Variants in WNT4 observed in about 807,000 individuals in gnomAD.
The protein encoded by WNT4 is Wnt family member 4.
Under a neutral mutation model 34.5 loss-of-function variants are expected in WNT4, and 16 were observed. The ratio of observed to expected loss-of-function variants is 0.46; its 90% CI spans 0.31 to 0.70. The LOEUF (loss-of-function observed/expected upper bound fraction) is 0.70. Ranked by LOEUF, WNT4 falls within the 30% of genes least tolerant of loss-of-function variation. The pLI, the probability that WNT4 is intolerant of heterozygous loss-of-function variation, is 0.04. For synonymous variants in WNT4, 200 were observed against 211.9 expected (o/e 0.94, Z 0.49); for missense variants, 379 against 495.9 (o/e 0.76, Z 2.24).
At chr1:22,127,840 G>C (rs1357481484) in intron 2 of WNT4, among the ~76,000 whole-genome samples, 1 of 152,220 alleles carries the variant, frequency 6.6e-6, no homozygotes, top group Non-Finnish European at 1.5e-5. Flanking sequence ...TCGTGGAGGA[G>C]GGAACTGCTG....
intron 1 of WNT4, among the ~76,000 whole-genome samples, chr1:22,131,353 G>C (rs1368084971): frequency 2.0e-5 from 3 of 152,350 alleles, no homozygotes; most frequent in Non-Finnish European, 4.4e-5. Context: ...TGAAGGTGGA[G>C]GTGCCTGGGC....
In WNT4 at chr1:22,137,834, A is replaced by C. The variant is rs1646034604; in HGVS notation, c.77+5012T>G. On this transcript the variant is annotated intron_variant, in intron 1 of 4. Transcript: ENST00000290167. The surrounding 1 kb of genome is among the most constrained non-coding windows in gnomAD (Gnocchi z 5.3). ...GAGCAGCAGATCGGGGGGGCAACAG[A>C]CACACTTCCTGCCACCCACCTCTGT... Among the ~76,000 whole-genome samples the C allele has an allele frequency of 6.6e-6, 1 of 152,128 alleles. No homozygotes were observed. The highest frequency in any genetic ancestry group is 1.5e-5 in the Non-Finnish European group (1 of 68,006).
chr1:22,131,384 G>T (rs1645982635), intron 1 of WNT4, among the ~76,000 whole-genome samples: 1 of 152,220 alleles, frequency 6.6e-6, no homozygotes, highest in African/African-American at 2.4e-5. Context: ...GTGGGGGTTG[G>T]TGGGCCTCTG....
In WNT4 at chr1:22,142,861, G is replaced by A; in HGVS notation, c.62C>T (p.Ala21Val). The A allele has an allele frequency of 8.2e-7, 1 of 1,213,136 alleles. No homozygotes were observed. The highest frequency in any genetic ancestry group is 1.1e-6 in the Non-Finnish European group (1 of 947,758). 75.1% of individuals were successfully genotyped at this position (1,213,136 alleles called of 1,614,324 possible). A position where few individuals can be genotyped will look rare whatever the true frequency, so the allele number is the denominator to read the frequency against. Residue 21 changes from alanine (A) to valine (V), a missense_variant, in exon 1 of 5, where the codon GCC becomes GTC. Physicochemically the swap from Ala to Val is moderately conservative, Grantham distance 64. Around this residue, in one of 2 missense-constraint regions of WNT4, gnomAD observed 66 missense variants for 50.1 expected, o/e 1.32. Transcript: ENST00000290167. The surrounding 1 kb of genome is among the most constrained non-coding windows in gnomAD (Gnocchi z 6.0). ...CCAGACTTACAGCCAGTTGCTCGCG[G>A]CGGCTGAGAAGACGGCGAAGACGAG... is the stretch of plus-strand genomic sequence containing the variant. ...RLLVFAVFSA[A>V]ASNWLYLAKL...
chr1:22,124,082 G>A (rs1047922837), intron 2 of WNT4, among the ~76,000 whole-genome samples: 8 of 152,192 alleles, frequency 5.3e-5, no homozygotes, highest in Admixed American at 4.6e-4. Flanking sequence ...TCCCAGGCTG[G>A]AGCCCTGCTC....
intron 4 of WNT4, among the ~76,000 whole-genome samples, chr1:22,120,731 G>A (rs1224626096): frequency 9.2e-5 from 14 of 152,190 alleles, no homozygotes; most frequent in Non-Finnish European, 1.3e-4. Flanking sequence ...TGGGGCACTG[G>A]GAGTTGAAGA....
At chr1:22,120,736 TGAA>T (rs1471792730) in intron 4 of WNT4, among the ~76,000 whole-genome samples, 1 of 151,982 alleles carries the variant, frequency 6.6e-6, no homozygotes, top group African/African-American at 2.4e-5. Context: ...CACTGGGAGT[TGAA>T]GAAAGAGAAG....
In WNT4 at chr1:22,142,967, G is replaced by T. The variant is rs971485226; in HGVS notation, c.-45C>A. 2.0e-5 allele frequency: 20 copies of T among 1,003,668 alleles called. No homozygotes were observed. In the African/African-American group the frequency reaches 3.2e-4, roughly 16 times the overall value. 62.2% of individuals were successfully genotyped at this position (1,003,668 alleles called of 1,614,324 possible). A position where few individuals can be genotyped will look rare whatever the true frequency, so the allele number is the denominator to read the frequency against. ...GGCCCGGGGCAGCGGCTGCGGCCGC[G>T]GGGGGCCTCCCGTCGGGGCTGCAGG... On this transcript the variant is annotated 5_prime_UTR_variant, in exon 1 of 5. Coordinates refer to ENST00000290167, the MANE Select transcript of WNT4 (RefSeq NM_030761.5). The surrounding 1 kb of genome is among the most constrained non-coding windows in gnomAD (Gnocchi z 6.0).
At chr1:22,131,364 C>T (rs928041204) in intron 1 of WNT4, among the ~76,000 whole-genome samples, 3 of 152,172 alleles carry the variant, frequency 2.0e-5, no homozygotes, top group Admixed American at 6.5e-5. Flanking sequence ...GTGCCTGGGC[C>T]CCAGTCCCAG....
chr1:22,138,924 C>A (rs1646043768), intron 1 of WNT4, among the ~76,000 whole-genome samples: 1 of 152,196 alleles, frequency 6.6e-6, no homozygotes, highest in Non-Finnish European at 1.5e-5. Context: ...AGTCGCACAC[C>A]AGTGGGGACT....
At chr1:22,136,401 G>A (rs140099138) in intron 1 of WNT4, among the ~76,000 whole-genome samples, 2 of 152,212 alleles carry the variant, frequency 1.3e-5, no homozygotes, top group Admixed American at 6.5e-5. Flanking sequence ...AGGGAACCTG[G>A]GGTTGGGGAA....
At chr1:22,138,348 G>C (rs1358963619) in intron 1 of WNT4, among the ~76,000 whole-genome samples, 1 of 152,136 alleles carries the variant, frequency 6.6e-6, no homozygotes, top group Non-Finnish European at 1.5e-5. Context: ...GGTTCAAATG[G>C]GTAATGGTTG....
chr1:22,133,078 G>T (rs969475437), intron 1 of WNT4, among the ~76,000 whole-genome samples: 2 of 152,106 alleles, frequency 1.3e-5, no homozygotes. Context: ...CCCACAGCTA[G>T]AGCGGCGAGC....
At position 22,129,695 on chromosome 1, in the gene WNT4, G is replaced by T; in HGVS notation, c.234C>A (p.Cys78Ter). 1 of 1,613,950 alleles carries T rather than the reference G, an allele frequency of 6.2e-7. No individual in the cohort carries two copies. The highest frequency in any genetic ancestry group is 8.5e-7 in the Non-Finnish European group (1 of 1,180,036). Residue 78 changes from cysteine (C) to a stop codon, truncating the protein, a stop_gained, in exon 2 of 5, where the codon TGC becomes TGA. Coordinates refer to ENST00000290167, the MANE Select transcript of WNT4 (RefSeq NM_030761.5). LOFTEE classifies it high-confidence loss of function. ...AGCGCCGGTTCCGGAACTGGTACTG[G>T]CACTCCTCAATGGCCAGCTGGGCAC... ...RRGAQLAIEE[C>*]QYQFRNRRWN...
At chr1:22,127,602 A>G (rs1645950889) in intron 2 of WNT4, 2 of 397,426 alleles carry the variant, frequency 5.0e-6, no homozygotes, top group Non-Finnish European at 1.0e-5. Flanking sequence ...TGCTAGAAGC[A>G]GTGTGAACAC....
chr1:22,122,301 CGGAGAAAT>C (rs1230727703), intron 2 of WNT4, among the ~76,000 whole-genome samples: 1 of 152,112 alleles, frequency 6.6e-6, no homozygotes, highest in Non-Finnish European at 1.5e-5. Flanking sequence ...ATTTTATAGA[CGGAGAAAT>C]GGAGGATCAG....
Position 22,121,264 on chromosome 1 carries a change from C to G in WNT4, c.535G>C (p.Ala179Pro). 2 of 1,614,134 alleles carry G rather than the reference C, an allele frequency of 1.2e-6. No homozygotes were observed. The highest frequency in any genetic ancestry group is 1.1e-5 in the South Asian group (1 of 91,078). Residue 179 changes from alanine to proline, a missense_variant, in exon 4 of 5, where the codon GCC becomes CCC. By Grantham distance (27) the Ala-to-Pro change is conservative. This residue lies in a region of WNT4 where 313 missense variants were observed against 445.8 expected (regional missense o/e 0.70). Coordinates refer to ENST00000290167, the MANE Select transcript of WNT4 (RefSeq NM_030761.5). ...TTCATGAGGGCTCTGCTGGACGAGG[C>G]CCCCTTGCTTCTCTCCCGCACATCC... ...FVDVRERSKG[A>P]SSSRALMNLH...
At chr1:22,136,984 A>T (rs1646027332) in intron 1 of WNT4, among the ~76,000 whole-genome samples, 2 of 152,086 alleles carry the variant, frequency 1.3e-5, no homozygotes, top group Non-Finnish European at 1.5e-5. Flanking sequence ...ACAGATTGAG[A>T]AATAGGGTCT....
chr1:22,127,557 C>T lies in WNT4; in HGVS notation c.313+2059G>A, dbSNP rs139232624. On this transcript the variant is annotated intron_variant, in intron 2 of 4. Transcript: ENST00000290167. ...AGTCCTAGTGATGGGGGAGTGGAGT[C>T]GGGTGAGGAGATACGCATTTCAATC... 538 of 476,308 alleles carry T rather than the reference C, an allele frequency of 1.1e-3. 3 individuals carry two copies. The highest frequency in any genetic ancestry group is 9.3e-3 in the African/African-American group (472 of 50,590). The allele number at this position is 476,308 out of a possible 1,614,324, so 29.5% of individuals were successfully genotyped here. A position where few individuals can be genotyped will look rare whatever the true frequency, so the allele number is the denominator to read the frequency against.
Sources: gnomAD v4.1 joint callset for allele counts (sites outside exome capture counted in the v4.1 genomes callset) on GRCh38, gnomAD v4.1.1 for gene constraint, gnomAD v4.1.1 regional missense constraint, Gnocchi (gnomAD v3.1) non-coding constraint, MANE v1.5 for transcripts, NCBI Gene and HGNC (gene_info 2026-07-23, HGNC 2026-07-21) for gene names.